Variants in VRK2 observed in about 807,000 individuals in gnomAD.
VRK2 encodes the protein serine/threonine-protein kinase VRK2.
Under a neutral mutation model 57.6 loss-of-function variants are expected in VRK2, and 60 were observed. That is an observed-to-expected ratio of 1.04 (90% confidence interval 0.85 to 1.29). The LOEUF (loss-of-function observed/expected upper bound fraction) is 1.29. Ranked by LOEUF, VRK2 falls within the 50% of genes most tolerant of loss-of-function variation. The pLI is 0.00. For synonymous variants in VRK2, 231 were observed against 199.2 expected, an observed-to-expected ratio of 1.16 and a Z score of -1.35; for missense variants, 705 against 588.1, an observed-to-expected ratio of 1.20 and a Z score of -2.06.
At chr2:58,050,116 A>G (rs935717594) in intron 2 of VRK2, among the ~76,000 whole-genome samples, 4 of 152,340 alleles carry the variant, frequency 2.6e-5, no homozygotes, top group South Asian at 4.1e-4. Flanking sequence ...TACAAGTTAC[A>G]TATGTAGTTT....
At chr2:58,089,559 T>C in intron 6 of VRK2, 72 bp from the exon 7 acceptor site, 1 of 905,402 alleles carries the variant, frequency 1.1e-6, no homozygotes, top group Non-Finnish European at 1.7e-6. Flanking sequence ...TGTTATTCTA[T>C]ATTCAAAATG....
At chr2:57,980,686 A>C (rs1275501804) in intron 1 of VRK2, among the ~76,000 whole-genome samples, 1 of 152,106 alleles carries the variant, frequency 6.6e-6, no homozygotes, top group African/African-American at 2.4e-5. Flanking sequence ...AGGTCTACAG[A>C]AATTTGTTTT....
intron 1 of VRK2, among the ~76,000 whole-genome samples, chr2:57,981,354 A>T (rs1363448654): frequency 6.6e-6 from 1 of 152,154 alleles, no homozygotes; most frequent in Non-Finnish European, 1.5e-5. Context: ...GGTGGGTGGA[A>T]TGTAGGCCCC....
intron 12 of VRK2, chr2:58,154,704 ATTTCT>A: frequency 1.4e-6 from 1 of 712,304 alleles, no homozygotes; most frequent in Non-Finnish European, 2.6e-6. Flanking sequence ...TTTTCCTATT[ATTTCT>A]TTCCTTCATC....
At chr2:58,009,550 A>T (rs2103643959) in intron 1 of VRK2, among the ~76,000 whole-genome samples, 1 of 149,552 alleles carries the variant, frequency 6.7e-6, no homozygotes, top group South Asian at 2.2e-4. Flanking sequence ...CCACTCAATC[A>T]ATCATTTTGT....
At chr2:58,026,608 A>G (rs1164961271) in intron 2 of VRK2, 1 of 152,200 alleles carries the variant, frequency 6.6e-6, no homozygotes, top group Non-Finnish European at 1.5e-5. Context: ...AATGGAATAA[A>G]GTACCATTTA....
chr2:57,959,685 C>T (rs1003644454), intron 1 of VRK2, among the ~76,000 whole-genome samples: 2 of 152,202 alleles, frequency 1.3e-5, no homozygotes, highest in Non-Finnish European at 2.9e-5. Context: ...AAGCTCAAGA[C>T]AGCTTAATTA....
intron 2 of VRK2, among the ~76,000 whole-genome samples, chr2:58,028,903 A>ATATATATATATATAT (rs1553378205): frequency 5.6e-5 from 3 of 54,016 alleles, no homozygotes; most frequent in African/African-American, 2.1e-4. Context: ...TAAATAAATA[A>ATATATATATATATAT]ATATATATAT....
At chr2:58,026,041 A>C (rs1370086659) in intron 2 of VRK2, among the ~76,000 whole-genome samples, 1 of 152,134 alleles carries the variant, frequency 6.6e-6, no homozygotes, top group Non-Finnish European at 1.5e-5. Context: ...AATGAAATGA[A>C]ATGTGACTCT....
intron 1 of VRK2, among the ~76,000 whole-genome samples, chr2:57,965,126 G>A (rs963699047): frequency 1.3e-5 from 2 of 152,088 alleles, no homozygotes; most frequent in Non-Finnish European, 2.9e-5. Flanking sequence ...GGTATATACT[G>A]TATTATTTAA....
At chr2:57,997,731 C>T (rs938431637) in intron 1 of VRK2, among the ~76,000 whole-genome samples, 2 of 151,742 alleles carry the variant, frequency 1.3e-5, no homozygotes, top group South Asian at 2.1e-4. Context: ...GGTGAAACAC[C>T]GTCTCTACAA....
intron 1 of VRK2, among the ~76,000 whole-genome samples, chr2:57,912,478 C>G (rs953258889): frequency 9.9e-5 from 15 of 151,740 alleles, no homozygotes; most frequent in Non-Finnish European, 1.5e-5. Context: ...AAGTAATTAA[C>G]CAAAACAGGG....
At chr2:57,961,459 G>A (rs1671755710) in intron 1 of VRK2, among the ~76,000 whole-genome samples, 1 of 152,138 alleles carries the variant, frequency 6.6e-6, no homozygotes, top group African/African-American at 2.4e-5. Flanking sequence ...TATAATGTAA[G>A]CCCTTATAGG....
intron 1 of VRK2, among the ~76,000 whole-genome samples, chr2:57,967,942 C>G (rs901363712): frequency 6.6e-6 from 1 of 151,710 alleles, no homozygotes; most frequent in Non-Finnish European, 1.5e-5. Flanking sequence ...TTAGAATTAA[C>G]AAAAAAGAAG....
chr2:58,109,815 A>C (rs955516861), intron 7 of VRK2, among the ~76,000 whole-genome samples: 3 of 152,232 alleles, frequency 2.0e-5, no homozygotes, highest in Non-Finnish European at 4.4e-5. Context: ...CCATTCTCTT[A>C]TAACTCACCA....
At chr2:58,147,883 G>A (rs952014366) in intron 12 of VRK2, among the ~76,000 whole-genome samples, 1 of 145,794 alleles carries the variant, frequency 6.9e-6, no homozygotes, top group Admixed American at 7.1e-5. Context: ...GCACTCCATT[G>A]TATAACTATA....
intron 1 of VRK2, among the ~76,000 whole-genome samples, chr2:57,945,884 T>G (rs370848839): frequency 6.6e-6 from 1 of 152,302 alleles, no homozygotes; most frequent in South Asian, 2.1e-4. Context: ...TAAATAGTGA[T>G]CTGACAAAGT....
At chr2:57,930,029 G>A (rs756112351) in intron 1 of VRK2, among the ~76,000 whole-genome samples, 1 of 152,052 alleles carries the variant, frequency 6.6e-6, no homozygotes, top group Non-Finnish European at 1.5e-5. Flanking sequence ...ACCTGGGGCT[G>A]GGGAAGAGTG....
chr2:58,152,973 T>G (rs970746362), intron 12 of VRK2, among the ~76,000 whole-genome samples: 1 of 151,986 alleles, frequency 6.6e-6, no homozygotes, highest in Non-Finnish European at 1.5e-5. Flanking sequence ...TCCTTAGATA[T>G]TTTATAACAT....
Sources: gnomAD v4.1 joint callset for allele counts (sites outside exome capture counted in the v4.1 genomes callset) on GRCh38, gnomAD v4.1.1 for gene constraint, MANE v1.5 for transcripts, NCBI Gene and HGNC (gene_info 2026-07-23, HGNC 2026-07-21) for gene names.